PTPRH: variants seen among roughly 807,000 people sequenced by gnomAD.
The protein encoded by PTPRH is receptor-type tyrosine-protein phosphatase H.
Under a neutral mutation model 130.2 loss-of-function variants are expected in PTPRH, and 113 were observed. That is an observed-to-expected ratio of 0.87 (90% CI 0.75 to 1.01). The LOEUF (loss-of-function observed/expected upper bound fraction) is 1.01, where lower values mean the gene tolerates loss of function less well. Among genes scored for constraint, PTPRH ranks in the 50% least tolerant of loss-of-function variants. The pLI, the probability that PTPRH is intolerant of heterozygous loss-of-function variation, is 0.00. For missense variants in PTPRH, 1,430 were observed against 1,425.0 expected (o/e 1.00, Z -0.06); for synonymous variants, 556 against 577.9 (o/e 0.96, Z 0.54).
At chr19:55,196,827 G>A in intron 9 of PTPRH, 39 bp from the exon 10 acceptor site, 1 of 1,592,424 alleles carries the variant, frequency 6.3e-7, no homozygotes, top group Non-Finnish European at 8.6e-7. Flanking sequence ...TGCCATCCAA[G>A]GTGGCTTTCC....
intron 10 of PTPRH, chr19:55,193,991 GA>G (rs2086615675): frequency 2.6e-6 from 1 of 380,420 alleles, no homozygotes; most frequent in Admixed American, 3.9e-5. Context: ...TGGGATGACA[GA>G]CACGCGCCAC....
chr19:55,188,403 C>G (rs952205225), intron 12 of PTPRH, among the ~76,000 whole-genome samples: 4 of 152,114 alleles, frequency 2.6e-5, no homozygotes, highest in African/African-American at 9.7e-5. Context: ...GTCCCAACTA[C>G]TCGGGAGGCT....
chr19:55,186,173 G>A, intron 16 of PTPRH, 52 bp downstream of exon 16: 1 of 1,580,290 alleles, frequency 6.3e-7, no homozygotes, highest in Non-Finnish European at 8.6e-7. Flanking sequence ...TTGGATGAGT[G>A]TTCGGGGCGG....
At position 55,197,117 on chromosome 19, in the gene PTPRH, A is replaced by T; in HGVS notation, c.1990T>A (p.Tyr664Asn). 3 of 1,613,400 alleles carry T rather than the reference A, an allele frequency of 1.9e-6. No homozygotes were observed. The South Asian group carries it at 3.3e-5, about 18-fold the overall frequency. The change falls in exon 9 of 20, where the codon TAC becomes AAC. Residue 664 changes from tyrosine (Y) to asparagine (N), a missense_variant and splice_region_variant. By Grantham distance (143) the Tyr-to-Asn change is moderately radical. Coordinates refer to ENST00000376350, the MANE Select transcript of PTPRH (RefSeq NM_002842.5). ...SSTQSLCAST[Y>N]PDTVTITSCV... ...TTGAAGGCAGGAAGGGGATTCTCAC[A>T]TGTGGACGCACAGAGGCTCTGCGTG...
At position 55,200,256 on chromosome 19, in the gene PTPRH, T is replaced by C. The variant is rs1472596439; in HGVS notation, c.1400A>G (p.Gln467Arg). 2 of 1,614,228 alleles carry C rather than the reference T, an allele frequency of 1.2e-6. No homozygotes were observed. Among genetic ancestry groups the C allele is most frequent in the East Asian group, 2.2e-5 (1 of 44,884 alleles). The change falls in exon 7 of 20, where the codon CAG (glutamine) becomes CGG (arginine). Residue 467 changes from glutamine (Q) to arginine (R), a missense_variant. Coordinates refer to ENST00000376350, the MANE Select transcript of PTPRH (RefSeq NM_002842.5). ...CCTACCTGTGGAGATGCTGACATTC[T>C]GCCTGGAGCCACGTGCTCCATTTTT... The part of the protein sequence containing the change: ...AEKNGARGSR[Q>R]NVSISTVPNA...
intron 8 of PTPRH, among the ~76,000 whole-genome samples, chr19:55,197,668 A>G (rs2086729903): frequency 6.6e-6 from 1 of 152,074 alleles, no homozygotes. Context: ...ATGCACACCA[A>G]TTCCACCTAC....
intron 6 of PTPRH, among the ~76,000 whole-genome samples, chr19:55,200,949 A>AC (rs1179420761): frequency 2.2e-4 from 24 of 109,176 alleles, no homozygotes; most frequent in African/African-American, 7.7e-4. Flanking sequence ...TCTCAAAACA[A>AC]ACAAAAAAAA....
chr19:55,194,034 G>C, intron 10 of PTPRH: 2 of 571,748 alleles, frequency 3.5e-6, no homozygotes, highest in East Asian at 1.5e-4. Flanking sequence ...ATTTTTAGTA[G>C]AGACAGGGTT....
chr19:55,189,479 TC>T (rs2086459970), intron 12 of PTPRH, among the ~76,000 whole-genome samples: 1 of 152,114 alleles, frequency 6.6e-6, no homozygotes, highest in South Asian at 2.1e-4. Flanking sequence ...CCCACTGCCC[TC>T]CCCTTCCTCA....
chr19:55,198,810 T>C lies in PTPRH; in HGVS notation c.1523A>G (p.Tyr508Cys), dbSNP rs1213311888. Residue 508 changes from tyrosine to cysteine, a missense_variant, in exon 8 of 20, where the codon TAC (tyrosine) becomes TGC (cysteine). Coordinates refer to ENST00000376350, the MANE Select transcript of PTPRH (RefSeq NM_002842.5). ...GCCTTCCCTGACCCATGAGACCCAG[T>C]AGCTGTAGGAAGACTGGCCTGGGCC... ...PQGPGQSSYS[Y>C]WVSWVREGMT... 1 of 1,611,312 alleles carries C rather than the reference T, an allele frequency of 6.2e-7. No individual in the cohort carries two copies. The highest frequency in any genetic ancestry group is 1.3e-5 in the African/African-American group (1 of 74,884).
chr19:55,192,694 G>A (rs546515797), intron 10 of PTPRH, among the ~76,000 whole-genome samples: 35 of 151,180 alleles, frequency 2.3e-4, no homozygotes, highest in South Asian at 1.0e-3. Flanking sequence ...TGGGACTACC[G>A]GTGCCCGCCA....
At chr19:55,193,822 C>G (rs77619910) in intron 10 of PTPRH, among the ~76,000 whole-genome samples, 1 of 151,620 alleles carries the variant, frequency 6.6e-6, no homozygotes, top group African/African-American at 2.4e-5. Context: ...CGGAGCCTAC[C>G]CAGATCTGGT....
At chr19:55,202,393 C>T in intron 5 of PTPRH, 71 bp from the exon 6 acceptor site, 3 of 1,582,428 alleles carry the variant, frequency 1.9e-6, no homozygotes, top group Non-Finnish European at 2.6e-6. Context: ...CTTCCTTAAC[C>T]ATTGCATCCA....
Position 55,182,140 on chromosome 19 carries a change from C to A in PTPRH, c.3074G>T (p.Gly1025Val), listed in dbSNP as rs1480854862. ...PPIVHCSAGV[G>V]RTGTLIALDV... ...CAGGGCAATGAGGGTTCCTGTGCGA[C>A]CCACGCCAGCACTAGGCAGAACAAG... Residue 1025 changes from glycine (G) to valine (V), a missense_variant, in exon 19 of 20, where the codon GGT (glycine) becomes GTT (valine). Gly to Val is a moderately radical substitution (Grantham distance 109). Transcript: ENST00000376350. The A allele has an allele frequency of 2.5e-6, 4 of 1,613,810 alleles. No individual in the cohort carries two copies. Among genetic ancestry groups the A allele is most frequent in the Non-Finnish European group, 3.4e-6 (4 of 1,180,016 alleles).
Position 55,181,805 on chromosome 19 carries a change from GT to G in PTPRH, c.3296del (p.Asn1099ThrfsTer19). ...TGGCGGCCACGTTCTCGTAGATGAGGTTTTCGACATCCTCATACGGGACTTC... is the reference window on the plus strand; with the variant it reads ...TGGCGGCCACGTTCTCGTAGATGAGGTTTCGACATCCTCATACGGGACTTC... ...EKEVPYEDVE[N>X]LIYENVAAIQ... is the part of the protein sequence containing the mutation. On this transcript the variant is annotated frameshift_variant, in exon 20 of 20. Coordinates refer to ENST00000376350, the MANE Select transcript of PTPRH (RefSeq NM_002842.5). LOFTEE classifies it low-confidence loss of function (END_TRUNC). 6.2e-7 allele frequency: 1 copy of G among 1,614,188 alleles called. No homozygotes were observed. Among genetic ancestry groups the G allele is most frequent in the Non-Finnish European group, 8.5e-7 (1 of 1,180,044 alleles).
intron 18 of PTPRH, among the ~76,000 whole-genome samples, 168 bp downstream of exon 18, chr19:55,185,334 C>G (rs527568675): frequency 6.6e-6 from 1 of 152,248 alleles, no homozygotes; most frequent in South Asian, 2.1e-4. Flanking sequence ...ATCCTTATCC[C>G]CTTTCTTTTC....
chr19:55,203,620 G>T (rs537496585), intron 5 of PTPRH, among the ~76,000 whole-genome samples, 162 bp downstream of exon 5: 220 of 151,860 alleles, frequency 1.4e-3, no homozygotes, highest in African/African-American at 5.1e-3. Context: ...CAGTTTCTTT[G>T]TACTTATTTT....
chr19:55,192,126 G>A, intron 10 of PTPRH: 1 of 371,578 alleles, frequency 2.7e-6, no homozygotes, highest in Non-Finnish European at 5.3e-6. Flanking sequence ...AGTACGGCCG[G>A]GCGCGGTGGC....
intron 1 of PTPRH, among the ~76,000 whole-genome samples, chr19:55,208,376 A>G (rs1310507919): frequency 8.0e-4 from 2 of 2,508 alleles, no homozygotes; most frequent in Admixed American, 9.8e-3. Flanking sequence ...GAGGGAGGAG[A>G]GGTTGGGGGC....
Sources: allele counts gnomAD v4.1 joint callset (sites outside exome capture counted in the v4.1 genomes callset), GRCh38; gene constraint gnomAD v4.1.1; transcripts MANE v1.5; gene names NCBI Gene and HGNC (gene_info 2026-07-23, HGNC 2026-07-21).